Variants in CPEB3 observed in about 807,000 individuals in gnomAD.
CPEB3 encodes the protein cytoplasmic polyadenylation element-binding protein 3.
CPEB3 carries 20 observed loss-of-function variants against 67.2 expected under a neutral mutation model. That is an observed-to-expected ratio of 0.30 (90% CI 0.21 to 0.43). CPEB3 has a LOEUF of 0.43. CPEB3 is among the 20% of genes least tolerant of loss of function. CPEB3 has a pLI of 1.00. For missense variants in CPEB3, 746 were observed against 968.6 expected (o/e 0.77, Z 3.05); for synonymous variants, 376 against 393.1 (o/e 0.96, Z 0.51).
intron 1 of CPEB3, among the ~76,000 whole-genome samples, chr10:92,245,577 C>T (rs1852025851): frequency 6.6e-6 from 1 of 152,168 alleles, no homozygotes; most frequent in African/African-American, 2.4e-5. Flanking sequence ...GCTTATATTT[C>T]CCATTTTTTC....
chr10:92,237,007 C>T (rs114365055), intron 2 of CPEB3, among the ~76,000 whole-genome samples: 544 of 152,280 alleles, frequency 3.6e-3, no homozygotes, highest in African/African-American at 0.012. Context: ...AATAAAATCA[C>T]ATTTGCCAGA....
chr10:92,120,621 C>CTTA, intron 6 of CPEB3, among the ~76,000 whole-genome samples: 1 of 152,234 alleles, frequency 6.6e-6, no homozygotes. Flanking sequence ...AAACAAACTG[C>CTTA]TGTAAAGGAC....
At chr10:92,259,794 AT>A in intron 1 of CPEB3, among the ~76,000 whole-genome samples, 1 of 152,280 alleles carries the variant, frequency 6.6e-6, no homozygotes, top group South Asian at 2.1e-4. Flanking sequence ...CTTAGTAACA[AT>A]TGCAGCTAAC....
chr10:92,262,901 T>C (rs964447505), intron 1 of CPEB3, among the ~76,000 whole-genome samples: 4 of 152,066 alleles, frequency 2.6e-5, no homozygotes, highest in African/African-American at 9.7e-5. Context: ...CTCACTGCAG[T>C]CTTGACTCCA....
intron 1 of CPEB3, among the ~76,000 whole-genome samples, chr10:92,264,956 A>C (rs972811460): frequency 1.3e-5 from 2 of 152,082 alleles, no homozygotes; most frequent in Non-Finnish European, 2.9e-5. Flanking sequence ...ACCTGAGGTC[A>C]GGAGTTTGAG....
chr10:92,228,775 G>A (rs1590454937), intron 2 of CPEB3, among the ~76,000 whole-genome samples: 1 of 150,902 alleles, frequency 6.6e-6, no homozygotes, highest in African/African-American at 2.4e-5. Flanking sequence ...GTGCAGTGGT[G>A]CAATCTCGGC....
intron 6 of CPEB3, among the ~76,000 whole-genome samples, chr10:92,127,342 C>T (rs551609207): frequency 4.6e-5 from 7 of 152,134 alleles, no homozygotes; most frequent in South Asian, 2.1e-4. Context: ...AGGGGCTAGA[C>T]ATTTGAGCAG....
At chr10:92,188,125 G>A (rs897489733) in intron 3 of CPEB3, among the ~76,000 whole-genome samples, 4 of 151,964 alleles carry the variant, frequency 2.6e-5, no homozygotes, top group Non-Finnish European at 5.9e-5. Flanking sequence ...GAGCCTGGGA[G>A]GTCAAGGCTG....
At chr10:92,281,270 G>C (rs985621385) in intron 1 of CPEB3, among the ~76,000 whole-genome samples, 1 of 151,178 alleles carries the variant, frequency 6.6e-6, no homozygotes, top group Non-Finnish European at 1.5e-5. Context: ...GGTGCAGGAG[G>C]GGTTGGTAGA....
At chr10:92,133,066 G>A (rs1845920050) in intron 6 of CPEB3, among the ~76,000 whole-genome samples, 1 of 152,118 alleles carries the variant, frequency 6.6e-6, no homozygotes, top group African/African-American at 2.4e-5. Flanking sequence ...GAGAAAGCAG[G>A]AAAGATCTAA....
chr10:92,253,332 C>T (rs1277279763), intron 1 of CPEB3, among the ~76,000 whole-genome samples: 1 of 151,498 alleles, frequency 6.6e-6, no homozygotes, highest in Non-Finnish European at 1.5e-5. Flanking sequence ...TGGTGGCACA[C>T]GCCTGTTGTC....
intron 4 of CPEB3, among the ~76,000 whole-genome samples, chr10:92,177,473 T>C (rs556814038): frequency 2.5e-4 from 38 of 152,314 alleles, no homozygotes; most frequent in African/African-American, 9.1e-4. Context: ...CCTCTTGGGT[T>C]CCTCCATAAA....
chr10:92,257,132 A>G (rs1446659316), intron 1 of CPEB3, among the ~76,000 whole-genome samples: 3 of 152,238 alleles, frequency 2.0e-5, no homozygotes, highest in African/African-American at 7.2e-5. Flanking sequence ...AAGACATTCC[A>G]TATTGAAATT....
chr10:92,220,988 C>A (rs1451299596), intron 2 of CPEB3, among the ~76,000 whole-genome samples: 1 of 152,210 alleles, frequency 6.6e-6, no homozygotes, highest in African/African-American at 2.4e-5. Flanking sequence ...CCAACTCCTA[C>A]TACTTTCCCC....
chr10:92,289,930 G>T lies in CPEB3; in HGVS notation c.-12+996C>A, dbSNP rs909018802. Among the ~76,000 whole-genome samples, 13 of 121,066 alleles carry T rather than the reference G, an allele frequency of 1.1e-4. 1 individual carries two copies. The highest frequency in any genetic ancestry group is 7.2e-4 in the South Asian group (3 of 4,158). 79.4% of individuals were successfully genotyped at this position (121,066 alleles called of 152,430 possible). On this transcript the variant is annotated intron_variant, in intron 1 of 9. Coordinates refer to ENST00000265997, the MANE Select transcript of CPEB3 (RefSeq NM_014912.5). ...GGAGTGTGTGTGTATGTGTGTGGTG[G>T]GGGGGGGTGGGTGCTGTTTCTCAAA...
intron 7 of CPEB3, among the ~76,000 whole-genome samples, chr10:92,096,676 G>A (rs970929455): frequency 8.5e-5 from 13 of 152,254 alleles, no homozygotes; most frequent in South Asian, 2.1e-4. Flanking sequence ...AGGTGCAGTC[G>A]CTCATTTCTG....
intron 2 of CPEB3, among the ~76,000 whole-genome samples, chr10:92,193,652 A>G (rs990111553): frequency 1.3e-5 from 2 of 151,302 alleles, no homozygotes; most frequent in Non-Finnish European, 3.0e-5. Context: ...ATGGGGTCTC[A>G]CTATGTTGCC....
intron 2 of CPEB3, among the ~76,000 whole-genome samples, chr10:92,201,217 G>C (rs1190150901): frequency 6.6e-6 from 1 of 152,152 alleles, no homozygotes; most frequent in Non-Finnish European, 1.5e-5. Context: ...ACGGTCAGAA[G>C]AGAAGGCATC....
intron 1 of CPEB3, among the ~76,000 whole-genome samples, chr10:92,246,740 C>A (rs1196941729): frequency 2.6e-5 from 4 of 152,098 alleles, no homozygotes; most frequent in Non-Finnish European, 5.9e-5. Flanking sequence ...GATCTCCTTA[C>A]CTCATGATCC....
Sources: allele counts gnomAD v4.1 joint callset (sites outside exome capture counted in the v4.1 genomes callset), GRCh38; gene constraint gnomAD v4.1.1; transcripts MANE v1.5; gene names NCBI Gene and HGNC (gene_info 2026-07-23, HGNC 2026-07-21).